Variants in INSIG1 observed in about 807,000 individuals in gnomAD.
INSIG1 encodes insulin induced gene 1, also known as insulin-induced gene 1 protein.
Under a neutral mutation model 26.5 loss-of-function variants are expected in INSIG1, and 14 were observed. The ratio of observed to expected loss-of-function variants is 0.53; its 90% CI spans 0.35 to 0.83. INSIG1 has a LOEUF of 0.83. Among genes scored for constraint, INSIG1 ranks in the 40% least tolerant of loss-of-function variants. The probability of loss-of-function intolerance (pLI) is 0.01; values close to 1 mark genes in which losing one functional copy is unlikely to be tolerated. For missense variants in INSIG1, 272 were observed against 368.9 expected (o/e 0.74, Z 2.15); for synonymous variants, 147 against 153.3 (o/e 0.96, Z 0.30).
intron 2 of INSIG1, among the ~76,000 whole-genome samples, chr7:155,299,877 C>G (rs1797737689): frequency 6.6e-6 from 1 of 152,228 alleles, no homozygotes; most frequent in Admixed American, 6.5e-5. Flanking sequence ...GGTGTGTCTC[C>G]TGCACTGTGG....
chr7:155,306,350 T>C (rs568129285), intron 5 of INSIG1, among the ~76,000 whole-genome samples: 16 of 152,332 alleles, frequency 1.1e-4, no homozygotes, highest in African/African-American at 3.6e-4. Context: ...TTTATAGAAC[T>C]TGTAGTTGTT....
At chr7:155,305,100 T>G (rs577034690) in intron 5 of INSIG1, among the ~76,000 whole-genome samples, 49 of 150,188 alleles carry the variant, frequency 3.3e-4, no homozygotes, top group African/African-American at 1.2e-3. Context: ...GAGCCGAGAT[T>G]GTGCCACTGC....
chr7:155,303,781 A>G, intron 5 of INSIG1: 2 of 1,135,910 alleles, frequency 1.8e-6, no homozygotes, highest in Non-Finnish European at 2.4e-6. Flanking sequence ...AACTTATCTT[A>G]GTACCTCATG....
chr7:155,300,550 C>T (rs1797755415), intron 2 of INSIG1, among the ~76,000 whole-genome samples: 1 of 152,032 alleles, frequency 6.6e-6, no homozygotes, highest in African/African-American at 2.4e-5. Flanking sequence ...TCTCAAGAGC[C>T]CTGGGACACA....
intron 5 of INSIG1, chr7:155,303,810 A>C (rs373521398): frequency 1.5e-6 from 2 of 1,350,960 alleles, no homozygotes; most frequent in Non-Finnish European, 2.0e-6. Context: ...AAAACAGTAC[A>C]TTTATTTTTG....
At position 155,298,509 on chromosome 7, in the gene INSIG1, C is replaced by T. The variant is rs762357555; in HGVS notation, c.224C>T (p.Pro75Leu). The T allele has an allele frequency of 3.8e-6, 6 of 1,586,232 alleles. No individual in the cohort carries two copies. The highest frequency in any genetic ancestry group is 1.3e-5 in the African/African-American group (1 of 74,518). The change falls in exon 2 of 6, where the codon CCC (proline) becomes CTC (leucine). Residue 75 changes from proline (P) to leucine (L), a missense_variant. By Grantham distance (98) the Pro-to-Leu change is moderately conservative. Around this residue, in one of 2 missense-constraint regions of INSIG1, gnomAD observed 161 missense variants for 179.2 expected, o/e 0.90. Transcript: ENST00000340368. ...ATGAGCGGCCCCGAGCCCGGCAGCC[C>T]CTACCCCAACACCTGGCATCATCGC... ...AAMSGPEPGS[P>L]YPNTWHHRLL...
At chr7:155,300,990 T>A (rs1160753715) in intron 2 of INSIG1, among the ~76,000 whole-genome samples, 4 of 152,188 alleles carry the variant, frequency 2.6e-5, no homozygotes, top group Non-Finnish European at 4.4e-5. Context: ...CAGTGCCTCG[T>A]ACAGAACATG....
At chr7:155,308,186 T>G in intron 5 of INSIG1, 55 bp from the exon 6 acceptor site, 2 of 889,916 alleles carry the variant, frequency 2.2e-6, no homozygotes, top group Non-Finnish European at 3.6e-6. Flanking sequence ...ATTAAAATAT[T>G]TATACATTTA....
At chr7:155,304,010 C>A (rs2150899153) in intron 5 of INSIG1, 1 of 392,998 alleles carries the variant, frequency 2.5e-6, no homozygotes, top group Non-Finnish European at 4.4e-6. Flanking sequence ...AGACAGAGCT[C>A]TGGAGTGCAG....
intron 5 of INSIG1, chr7:155,303,875 C>T (rs1406359390): frequency 7.3e-7 from 1 of 1,364,382 alleles, no homozygotes; most frequent in Non-Finnish European, 9.8e-7. Context: ...GGCTGTTTCA[C>T]AAAACCAGAA....
intron 2 of INSIG1, among the ~76,000 whole-genome samples, chr7:155,300,992 C>T (rs1421646951): frequency 1.3e-5 from 2 of 152,198 alleles, no homozygotes; most frequent in Non-Finnish European, 2.9e-5. Flanking sequence ...GTGCCTCGTA[C>T]AGAACATGCT....
At chr7:155,299,814 G>A (rs1218731439) in intron 2 of INSIG1, among the ~76,000 whole-genome samples, 1 of 152,184 alleles carries the variant, frequency 6.6e-6, no homozygotes, top group Non-Finnish European at 1.5e-5. Context: ...CCAAGGGTGC[G>A]CAGGTAGAAA....
intron 5 of INSIG1, among the ~76,000 whole-genome samples, chr7:155,307,813 C>A (rs1229384867): frequency 6.6e-6 from 1 of 152,108 alleles, no homozygotes; most frequent in Non-Finnish European, 1.5e-5. Context: ...AGGTTCAATC[C>A]CTTAAATTGC....
At chr7:155,308,118 G>A (rs1312220775) in intron 5 of INSIG1, 123 bp from the exon 6 acceptor site, 19 of 595,382 alleles carry the variant, frequency 3.2e-5, no homozygotes, top group Non-Finnish European at 5.4e-5. Flanking sequence ...TCTCAATCTT[G>A]TTGCTTCAGT....
Position 155,302,553 on chromosome 7 carries a change from A to T in INSIG1, c.704+136A>T. The T allele has an allele frequency of 9.4e-7, 1 of 1,060,204 alleles. No homozygotes were observed. The highest frequency in any genetic ancestry group is 2.6e-5 in the East Asian group (1 of 37,922). The allele number at this position is 1,060,204 out of a possible 1,614,324, so 65.7% of individuals were successfully genotyped here. On this transcript the variant is annotated intron_variant, in intron 4 of 5. Coordinates refer to ENST00000340368, the MANE Select transcript of INSIG1 (RefSeq NM_005542.6). The surrounding 1 kb of genome is among the most constrained non-coding windows in gnomAD (Gnocchi z 4.3). ...ACAGATTTAGGCATGAAATTCTCAAAAATGCTGCTATCCATAACTTAATGT... is the reference window on the plus strand; with the variant it reads ...ACAGATTTAGGCATGAAATTCTCAATAATGCTGCTATCCATAACTTAATGT...
chr7:155,300,895 G>A (rs1429601451), intron 2 of INSIG1, among the ~76,000 whole-genome samples: 1 of 152,188 alleles, frequency 6.6e-6, no homozygotes, highest in Non-Finnish European at 1.5e-5. Flanking sequence ...TTGACCATGC[G>A]GGAACCAGAT....
In INSIG1 at chr7:155,302,992, A is replaced by G. The variant is rs1035540304; in HGVS notation, c.804+146A>G. The G allele has an allele frequency of 3.8e-6, 2 of 532,880 alleles. No individual in the cohort carries two copies. The highest frequency in any genetic ancestry group is 3.8e-5 in the African/African-American group (2 of 53,066). 33.0% of individuals were successfully genotyped at this position (532,880 alleles called of 1,614,324 possible). ...CTGAGAAAAGCTTATATTTAAAAAA[A>G]TAGGTAATGATACCCAGGTAATTCT... On this transcript the variant is annotated intron_variant, in intron 5 of 5. Transcript: ENST00000340368. This position sits in a 1 kb window ranked among gnomAD's most constrained non-coding sequence, Gnocchi z 4.3.
chr7:155,308,227 C>A lies in INSIG1; in HGVS notation c.805-14C>A. The A allele has an allele frequency of 7.4e-7, 1 of 1,355,344 alleles. No homozygotes were observed. 84.0% of individuals were successfully genotyped at this position (1,355,344 alleles called of 1,614,324 possible). A position where few individuals can be genotyped will look rare whatever the true frequency, so the allele number is the denominator to read the frequency against. On this transcript the variant is annotated splice_polypyrimidine_tract_variant and intron_variant, in intron 5 of 5. Coordinates refer to ENST00000340368, the MANE Select transcript of INSIG1 (RefSeq NM_005542.6). ...AATTTTCTCTTTCCTTTTTTTTTTC[C>A]TTTCTACACATAGGGTGTTCCTGAA...
At chr7:155,305,112 T>C (rs1235161773) in intron 5 of INSIG1, among the ~76,000 whole-genome samples, 5 of 150,616 alleles carry the variant, frequency 3.3e-5, no homozygotes, top group South Asian at 4.2e-4. Flanking sequence ...TGCCACTGCA[T>C]TCCAGCCTGG....
Sources: allele counts gnomAD v4.1 joint callset (sites outside exome capture counted in the v4.1 genomes callset), GRCh38; gene constraint gnomAD v4.1.1; regional missense constraint gnomAD v4.1.1; non-coding constraint Gnocchi (gnomAD v3.1); transcripts MANE v1.5; gene names NCBI Gene and HGNC (gene_info 2026-07-23, HGNC 2026-07-21).